The following TNFAIP8 variants were observed in gnomAD, a reference collection of about 807,000 sequenced individuals.
TNFAIP8 encodes the protein tumor necrosis factor alpha-induced protein 8.
A neutral mutation model predicts 13.3 loss-of-function variants in TNFAIP8; 7 were observed. That is an observed-to-expected ratio of 0.52 (90% confidence interval 0.30 to 0.99). The LOEUF is 0.99. Ranked by LOEUF, TNFAIP8 falls within the 50% of genes least tolerant of loss-of-function variation. TNFAIP8 has a pLI of 0.07. For missense variants in TNFAIP8, 258 were observed against 236.9 expected, an observed-to-expected ratio of 1.09 and a Z score of -0.58; for synonymous variants, 94 against 87.6, an observed-to-expected ratio of 1.07 and a Z score of -0.41.
chr5:119,381,026 C>T (rs779149660), intron 1 of TNFAIP8, among the ~76,000 whole-genome samples: 4 of 152,184 alleles, frequency 2.6e-5, no homozygotes, highest in Non-Finnish European at 5.9e-5. Context: ...GAGTACAGCT[C>T]AGAGCAGGCG....
At chr5:119,327,693 A>T (rs999416119) in intron 1 of TNFAIP8, among the ~76,000 whole-genome samples, 2 of 152,136 alleles carry the variant, frequency 1.3e-5, no homozygotes, top group African/African-American at 4.8e-5. Context: ...TCCTGACCTC[A>T]GGTGATCCGC....
intron 1 of TNFAIP8, among the ~76,000 whole-genome samples, chr5:119,270,778 C>T (rs1748269467): frequency 6.6e-6 from 1 of 152,180 alleles, no homozygotes; most frequent in Non-Finnish European, 1.5e-5. Flanking sequence ...TTTGGATTGA[C>T]ATATGTAGAC....
At chr5:119,285,037 A>G (rs1210980858) in intron 1 of TNFAIP8, among the ~76,000 whole-genome samples, 3 of 152,154 alleles carry the variant, frequency 2.0e-5, no homozygotes, top group African/African-American at 7.2e-5. Context: ...TTAAAGCATC[A>G]TTTATACCCA....
At chr5:119,391,947 A>G (rs1225996906) in intron 1 of TNFAIP8, among the ~76,000 whole-genome samples, 1 of 152,224 alleles carries the variant, frequency 6.6e-6, no homozygotes, top group Non-Finnish European at 1.5e-5. Flanking sequence ...GTATATTGTA[A>G]ACATCTGTCA....
At chr5:119,322,779 C>T (rs1009569032) in intron 1 of TNFAIP8, among the ~76,000 whole-genome samples, 2 of 152,156 alleles carry the variant, frequency 1.3e-5, no homozygotes, top group Non-Finnish European at 2.9e-5. Context: ...CTGGTGATCC[C>T]GCCCATTTCT....
At chr5:119,294,888 GA>G (rs984291005) in intron 1 of TNFAIP8, among the ~76,000 whole-genome samples, 1 of 151,402 alleles carries the variant, frequency 6.6e-6, no homozygotes, top group African/African-American at 2.4e-5. Flanking sequence ...TGATGGGGTT[GA>G]TTGTTTTTCT....
At chr5:119,390,639 T>C (rs1265175748) in intron 1 of TNFAIP8, among the ~76,000 whole-genome samples, 1 of 152,202 alleles carries the variant, frequency 6.6e-6, no homozygotes, top group Non-Finnish European at 1.5e-5. Context: ...ATTTCGACAT[T>C]TGTGAGGGGA....
chr5:119,276,151 T>C (rs528359338), intron 1 of TNFAIP8, among the ~76,000 whole-genome samples: 3 of 151,898 alleles, frequency 2.0e-5, no homozygotes, highest in East Asian at 3.9e-4. Context: ...GGAGTCTTGC[T>C]CTGTCTCCCA....
chr5:119,384,478 A>G (rs1009842859), intron 1 of TNFAIP8, among the ~76,000 whole-genome samples: 3 of 152,190 alleles, frequency 2.0e-5, no homozygotes, highest in Non-Finnish European at 4.4e-5. Flanking sequence ...GCGACACTCC[A>G]TCTTAAAAAA....
intron 1 of TNFAIP8, among the ~76,000 whole-genome samples, chr5:119,329,365 G>T (rs759575425): frequency 2.6e-5 from 4 of 152,150 alleles, no homozygotes; most frequent in Non-Finnish European, 5.9e-5. Flanking sequence ...ACCCATTTGG[G>T]CAGGCAACGT....
intron 1 of TNFAIP8, among the ~76,000 whole-genome samples, chr5:119,325,868 T>G (rs1750210454): frequency 6.6e-6 from 1 of 152,224 alleles, no homozygotes; most frequent in African/African-American, 2.4e-5. Context: ...TAGCACTTGC[T>G]CTTTCTGCTG....
intron 1 of TNFAIP8, among the ~76,000 whole-genome samples, chr5:119,335,275 A>C (rs770238064): frequency 9.2e-5 from 14 of 152,206 alleles, no homozygotes; most frequent in Non-Finnish European, 1.6e-4. Context: ...TCTTTTGCCT[A>C]GGAATTTTAA....
intron 1 of TNFAIP8, among the ~76,000 whole-genome samples, chr5:119,275,003 T>C (rs1182834787): frequency 7.3e-6 from 1 of 136,524 alleles, no homozygotes; most frequent in African/African-American, 2.9e-5. Flanking sequence ...GCTGTAGGGA[T>C]TTTTTTTTAA....
intron 1 of TNFAIP8, among the ~76,000 whole-genome samples, chr5:119,368,797 G>A (rs1751966283): frequency 6.6e-6 from 1 of 152,122 alleles, no homozygotes; most frequent in South Asian, 2.1e-4. Flanking sequence ...TAAAGAATGA[G>A]GTTAAGTTCT....
intron 1 of TNFAIP8, among the ~76,000 whole-genome samples, chr5:119,342,170 G>A (rs1282255797): frequency 6.6e-6 from 1 of 152,208 alleles, no homozygotes; most frequent in Non-Finnish European, 1.5e-5. Flanking sequence ...GAAAATCAGA[G>A]TTTAACCCAA....
intron 1 of TNFAIP8, among the ~76,000 whole-genome samples, chr5:119,316,743 C>T (rs930358245): frequency 6.6e-6 from 1 of 152,146 alleles, no homozygotes. Context: ...CAGATGCTTC[C>T]AACATGTAGC....
intron 1 of TNFAIP8, among the ~76,000 whole-genome samples, chr5:119,370,683 G>A (rs183147263): frequency 1.3e-5 from 2 of 152,338 alleles, no homozygotes; most frequent in Non-Finnish European, 1.5e-5. Context: ...TCAGTCTGCA[G>A]CCAGAGTTCC....
chr5:119,288,291 G>A lies in TNFAIP8; in HGVS notation c.1+19384G>A, dbSNP rs113903773. ...GATATGTTTCTAAATGAAACAATTG[G>A]AGTTCAGTTGATTGTTGCCTTTCCT... On this transcript the variant is annotated intron_variant, in intron 1 of 1. Transcript: ENST00000274456. Among the ~76,000 whole-genome samples, 215 of 152,238 alleles carry A rather than the reference G, an allele frequency of 1.4e-3. 1 individual carries two copies. The highest frequency in any genetic ancestry group is 4.9e-3 in the African/African-American group (203 of 41,540).
chr5:119,371,540 C>T (rs1267490784), intron 1 of TNFAIP8, among the ~76,000 whole-genome samples: 2 of 152,140 alleles, frequency 1.3e-5, no homozygotes, highest in African/African-American at 4.8e-5. Flanking sequence ...GATACTAGTT[C>T]AAGGGGAAAC....
Sources: gnomAD v4.1 joint callset for allele counts (sites outside exome capture counted in the v4.1 genomes callset) on GRCh38, gnomAD v4.1.1 for gene constraint, MANE v1.5 for transcripts, NCBI Gene and HGNC (gene_info 2026-07-23, HGNC 2026-07-21) for gene names.